Variants in HERC1 observed in about 807,000 individuals in gnomAD.
HERC1 encodes HECT and RLD domain containing E3 ubiquitin protein ligase family member 1.
HERC1 carries 160 observed loss-of-function variants against 554.3 expected under a neutral mutation model. The observed-to-expected ratio is 0.29, with a 90% confidence interval of 0.25 to 0.33. The LOEUF (loss-of-function observed/expected upper bound fraction) is 0.33. HERC1 is among the 10% of genes least tolerant of loss of function. The pLI is 1.00. For synonymous variants in HERC1, 2,175 were observed against 2,131.7 expected, an observed-to-expected ratio of 1.02 and a Z score of -0.56; for missense variants, 4,919 against 5,918.5, an observed-to-expected ratio of 0.83 and a Z score of 5.54.
chr15:63,727,802 C>A lies in HERC1; in HGVS notation c.3191G>T (p.Cys1064Phe), dbSNP rs970790768. The change falls in exon 17 of 78, where the codon TGC (cysteine) becomes TTC (phenylalanine). Residue 1064 changes from cysteine to phenylalanine, a missense_variant. By Grantham distance (205) the Cys-to-Phe change is radical (BLOSUM62 -2). This residue lies in a region of HERC1 where 1,121 missense variants were observed against 1,244.0 expected (regional missense o/e 0.90). Transcript: ENST00000443617. This position sits in a 1 kb window ranked among gnomAD's most constrained non-coding sequence, Gnocchi z 4.3. Reference sequence around the variant, plus strand: ...TAACAGCAGGGAGTTAACAATCTGGCAGAGCATACTGCCAGCAGCTGAGAC... The same window carrying A: ...TAACAGCAGGGAGTTAACAATCTGGAAGAGCATACTGCCAGCAGCTGAGAC... ...IYVSAAGSML[C>F]QIVNSLLLLP... is the part of the protein sequence containing the mutation. 3.7e-6 allele frequency: 6 copies of A among 1,613,716 alleles called. No individual in the cohort carries two copies. The African/African-American group carries it at 8.0e-5, about 22-fold the overall frequency.
chr15:63,695,740 A>C (rs2072372251), intron 27 of HERC1, among the ~76,000 whole-genome samples: 1 of 150,346 alleles, frequency 6.7e-6, no homozygotes, highest in Non-Finnish European at 1.5e-5. Context: ...CTAAATATGA[A>C]AGACATAAAG....
At chr15:63,827,065 A>C (rs1567169079) in intron 1 of HERC1, among the ~76,000 whole-genome samples, 1 of 152,018 alleles carries the variant, frequency 6.6e-6, no homozygotes, top group Non-Finnish European at 1.5e-5. Flanking sequence ...GAAACAACCT[A>C]AATGCCCATA....
chr15:63,784,043 T>C (rs1001742088), intron 1 of HERC1, among the ~76,000 whole-genome samples: 4 of 146,702 alleles, frequency 2.7e-5, no homozygotes, highest in Non-Finnish European at 5.9e-5. Flanking sequence ...TCCAGCCTGG[T>C]GACACAGGAA....
chr15:63,620,561 A>T (rs868060587), intron 74 of HERC1, among the ~76,000 whole-genome samples: 7 of 151,948 alleles, frequency 4.6e-5, no homozygotes, highest in African/African-American at 1.7e-4. Context: ...TTAACTTTCT[A>T]TCTCGTTGAT....
In HERC1 at chr15:63,663,190, A is replaced by G; in HGVS notation, c.8695T>C (p.Ser2899Pro). Reference sequence around the variant, plus strand: ...CTTTGATTCCTGTGGGCCTGCACAGAGCGGTATAATCCCGCTCAGAACAAA... The same window carrying G: ...CTTTGATTCCTGTGGGCCTGCACAGGGCGGTATAATCCCGCTCAGAACAAA... ...LLARAAGLYRSVQAHRNQSRR... is the reference protein window; with the variant it reads ...LLARAAGLYRPVQAHRNQSRR... Residue 2899 changes from serine (S) to proline (P), a missense_variant, in exon 44 of 78, where the codon TCT becomes CCT. By Grantham distance (74) the Ser-to-Pro change is moderately conservative. This residue lies in a region of HERC1 where 1,963 missense variants were observed against 2,228.6 expected (regional missense o/e 0.88). Coordinates refer to ENST00000443617, the MANE Select transcript of HERC1 (RefSeq NM_003922.4). 1.2e-6 allele frequency: 2 copies of G among 1,614,002 alleles called. No individual in the cohort carries two copies. Among genetic ancestry groups the G allele is most frequent in the South Asian group, 2.2e-5 (2 of 91,080 alleles).
At chr15:63,821,894 T>A (rs191967540) in intron 1 of HERC1, among the ~76,000 whole-genome samples, 68 of 152,222 alleles carry the variant, frequency 4.5e-4, no homozygotes, top group Non-Finnish European at 8.1e-4. Context: ...GTTTACATTC[T>A]AGTAAGGAAG....
intron 2 of HERC1, among the ~76,000 whole-genome samples, chr15:63,764,826 T>C (rs1192510978): frequency 6.6e-6 from 1 of 152,142 alleles, no homozygotes. Context: ...ACCCTGAAAC[T>C]TGTGATCAGC....
At chr15:63,666,304 A>T in intron 41 of HERC1, 52 bp downstream of exon 41, 1 of 1,423,302 alleles carries the variant, frequency 7.0e-7, no homozygotes, top group South Asian at 1.2e-5. Context: ...TGTCTTTAAT[A>T]AGCTAGGACT....
chr15:63,632,573 T>C (rs768909088), intron 68 of HERC1, 136 bp downstream of exon 68: 4 of 703,382 alleles, frequency 5.7e-6, no homozygotes, highest in South Asian at 3.0e-5. Flanking sequence ...AAATTATCTA[T>C]ACTGAAAGGA....
intron 1 of HERC1, among the ~76,000 whole-genome samples, chr15:63,801,563 G>A (rs2076988922): frequency 6.6e-6 from 1 of 152,238 alleles, no homozygotes; most frequent in African/African-American, 2.4e-5. Context: ...AGCAGAGGCA[G>A]TATCGATTTT....
chr15:63,719,055 G>A (rs979590271), intron 19 of HERC1, among the ~76,000 whole-genome samples, 158 bp from the exon 20 acceptor site: 15 of 152,170 alleles, frequency 9.9e-5, no homozygotes, highest in Non-Finnish European at 1.5e-4. Flanking sequence ...TGTTCCAAGC[G>A]CTGTGGATAT....
rs1323366018 is a variant in HERC1, at chr15:63,775,381, G to C, written c.243C>G (p.Ala81=). 4.3e-6 allele frequency: 7 copies of C among 1,613,812 alleles called. No individual in the cohort carries two copies. The highest frequency in any genetic ancestry group is 1.7e-5 in the Admixed American group (1 of 59,986). ...SSDEQDHYLD[A]LLSSQLALAK... The stretch of plus-strand genomic sequence containing the variant: ...CCAATGCTAGCTGGCTGCTAAGAAG[G>C]GCATCCAAATAGTGGTCCTGCTCAT... Residue 81 remains alanine, a synonymous_variant, in exon 2 of 78, where the codon GCC becomes GCG. Transcript: ENST00000443617. This position sits in a 1 kb window ranked among gnomAD's most constrained non-coding sequence, Gnocchi z 4.0.
intron 11 of HERC1, 96 bp downstream of exon 11, chr15:63,747,628 A>G: frequency 3.0e-6 from 2 of 671,788 alleles, no homozygotes; most frequent in Admixed American, 3.5e-5. Flanking sequence ...AACAAGAAAG[A>G]ACAGTAAGTC....
At chr15:63,822,061 T>C (rs573499121) in intron 1 of HERC1, among the ~76,000 whole-genome samples, 1 of 152,322 alleles carries the variant, frequency 6.6e-6, no homozygotes, top group East Asian at 1.9e-4. Context: ...TGAGGCACTC[T>C]CTTTAAACAG....
chr15:63,672,075 G>A (rs945034706), intron 39 of HERC1, among the ~76,000 whole-genome samples: 13 of 151,770 alleles, frequency 8.6e-5, no homozygotes, highest in African/African-American at 3.1e-4. Flanking sequence ...ATTTTTTTAA[G>A]AATAAAAATA....
At chr15:63,705,418 A>G (rs1322933695) in intron 25 of HERC1, among the ~76,000 whole-genome samples, 6 of 151,966 alleles carry the variant, frequency 3.9e-5, no homozygotes, top group South Asian at 2.1e-4. Flanking sequence ...CACCTGGCCC[A>G]TTCTTTCTAT....
chr15:63,630,375 T>A (rs2152800050), intron 69 of HERC1, 91 bp downstream of exon 69: 1 of 1,274,132 alleles, frequency 7.8e-7, no homozygotes. Flanking sequence ...TGCAGTAGAT[T>A]ATGAATTTCC....
In HERC1 at chr15:63,749,666, A is replaced by G. The variant is rs2075171468; in HGVS notation, c.2028T>C (p.His676=). The part of the protein sequence containing the change: ...RIVDVSIGDS[H]CLALSHDNEV... Reference sequence around the variant, plus strand: ...CTTTACCATGAGAAAGAGCCAAACAATGACTGTCTCCAATAGAAACATCAA... The same window carrying G: ...CTTTACCATGAGAAAGAGCCAAACAGTGACTGTCTCCAATAGAAACATCAA... The change falls in exon 9 of 78, where the codon CAT becomes CAC. Residue 676 remains histidine (H), a synonymous_variant. Coordinates refer to ENST00000443617, the MANE Select transcript of HERC1 (RefSeq NM_003922.4). This position sits in a 1 kb window ranked among gnomAD's most constrained non-coding sequence, Gnocchi z 4.1. 1 of 1,599,404 alleles carries G rather than the reference A, an allele frequency of 6.3e-7. No homozygotes were observed. The highest frequency in any genetic ancestry group is 8.5e-7 in the Non-Finnish European group (1 of 1,172,194).
chr15:63,737,239 A>G (rs1189144284), intron 12 of HERC1, among the ~76,000 whole-genome samples: 2 of 150,774 alleles, frequency 1.3e-5, no homozygotes, highest in Non-Finnish European at 3.0e-5. Context: ...GGAAAACACA[A>G]GAAAATTAAG....
Sources: allele counts gnomAD v4.1 joint callset (sites outside exome capture counted in the v4.1 genomes callset), GRCh38; gene constraint gnomAD v4.1.1; regional missense constraint gnomAD v4.1.1; non-coding constraint Gnocchi (gnomAD v3.1); transcripts MANE v1.5; gene names NCBI Gene and HGNC (gene_info 2026-07-23, HGNC 2026-07-21).